Variants in AGMO observed in about 807,000 individuals in gnomAD.
AGMO encodes glyceryl-ether monooxygenase.
Under a neutral mutation model 60.2 loss-of-function variants are expected in AGMO, and 75 were observed. The observed-to-expected ratio is 1.25, with a 90% CI of 1.03 to 1.51. AGMO has a LOEUF of 1.51. Ranked by LOEUF, AGMO falls within the 40% of genes most tolerant of loss-of-function variation. AGMO has a pLI of 0.00. For synonymous variants in AGMO, 261 were observed against 177.1 expected, an observed-to-expected ratio of 1.47 and a Z score of -3.76; for missense variants, 763 against 525.5, an observed-to-expected ratio of 1.45 and a Z score of -4.42.
intron 10 of AGMO, among the ~76,000 whole-genome samples, chr7:15,371,375 C>T (rs114522422): frequency 1.3e-5 from 2 of 151,604 alleles, no homozygotes; most frequent in South Asian, 2.1e-4. Context: ...CACATGCTAC[C>T]GTGCGCACAG....
rs144481775 is a variant in AGMO at position 15,426,055 on chromosome 7, C to A, written c.513+4950G>T. Among the ~76,000 whole-genome samples, 736 of 152,184 alleles carry A rather than the reference C, an allele frequency of 4.8e-3. 2 individuals carry two copies. The highest frequency in any genetic ancestry group is 0.016 in the African/African-American group (685 of 41,546). On this transcript the variant is annotated intron_variant, in intron 4 of 12. Transcript: ENST00000342526. ...AAATATGTTCAAATATATTTTATTG[C>A]AAAAGGTAAACAAATTATATATCCT... is the stretch of plus-strand genomic sequence containing the variant.
At chr7:15,505,598 C>T (rs1370514892) in intron 3 of AGMO, among the ~76,000 whole-genome samples, 1 of 151,838 alleles carries the variant, frequency 6.6e-6, no homozygotes, top group Non-Finnish European at 1.5e-5. Context: ...CTTTTTGTTA[C>T]ACAGTTGTGA....
chr7:15,354,349 T>TATATAGACGTGTGC (rs1782383611), intron 12 of AGMO, among the ~76,000 whole-genome samples: 1 of 96,830 alleles, frequency 1.0e-5, no homozygotes, highest in Admixed American at 9.7e-5. Flanking sequence ...TACACGCGTG[T>TATATAGACGTGTGC]ATATAGACGT....
rs1781253869 is a variant in AGMO, at chr7:15,200,733, T to C, written c.*552A>G. On this transcript the variant is annotated 3_prime_UTR_variant, in exon 13 of 13. Transcript: ENST00000342526. The stretch of plus-strand genomic sequence containing the variant: ...TGGTCTCTATCTCTGGACCTCATGA[T>C]CCGCCCACCTCAGCCCCACAAAGTG... 6.6e-6 allele frequency: 1 copy of C among 152,354 alleles called. No individual in the cohort carries two copies. Among genetic ancestry groups the C allele is most frequent in the African/African-American group, 2.4e-5 (1 of 41,446 alleles). The allele number at this position is 152,354 out of a possible 1,614,324, so 9.4% of individuals were successfully genotyped here.
chr7:15,210,286 T>C (rs1423155825), intron 12 of AGMO, among the ~76,000 whole-genome samples: 1 of 152,198 alleles, frequency 6.6e-6, no homozygotes, highest in Non-Finnish European at 1.5e-5. Flanking sequence ...CTTTTTCATA[T>C]GTTCAAAAAT....
intron 12 of AGMO, among the ~76,000 whole-genome samples, chr7:15,266,853 A>G (rs908309384): frequency 2.6e-5 from 4 of 151,818 alleles, no homozygotes; most frequent in Non-Finnish European, 5.9e-5. Context: ...ACATCACCTA[A>G]TATTTACAGA....
At chr7:15,250,840 G>A (rs981165179) in intron 12 of AGMO, among the ~76,000 whole-genome samples, 1 of 151,898 alleles carries the variant, frequency 6.6e-6, no homozygotes, top group African/African-American at 2.4e-5. Flanking sequence ...AGCTACTCGG[G>A]AGGCTGAGGC....
Position 15,562,013 on chromosome 7 carries a change from G to T in AGMO, c.-168C>A. 1 of 542,832 alleles carries T rather than the reference G, an allele frequency of 1.8e-6. No homozygotes were observed. Among genetic ancestry groups the T allele is most frequent in the Non-Finnish European group, 3.0e-6 (1 of 331,234 alleles). 33.6% of individuals were successfully genotyped at this position (542,832 alleles called of 1,614,324 possible). ...CACTCAACAGCCGATTCTGTGTAGA[G>T]AGACAGGAAAATACAAGGATCAAGA... is the stretch of plus-strand genomic sequence containing the variant. On this transcript the variant is annotated 5_prime_UTR_variant, in exon 1 of 13. Transcript: ENST00000342526.
chr7:15,229,972 A>G (rs1261154065), intron 12 of AGMO, among the ~76,000 whole-genome samples: 1 of 151,698 alleles, frequency 6.6e-6, no homozygotes, highest in Non-Finnish European at 1.5e-5. Context: ...TACAAGCCAT[A>G]TTTCTCATTT....
chr7:15,552,033 G>A lies in AGMO; in HGVS notation c.258-7110C>T, dbSNP rs1357845063. On this transcript the variant is annotated intron_variant, in intron 2 of 12. Transcript: ENST00000342526. ...TAATGCCACATATCTGCAACTATCT[G>A]ATCTTTGACAAACCTGAGAAAAACA... is the stretch of plus-strand genomic sequence containing the variant. Among the ~76,000 whole-genome samples, 8 of 152,100 alleles carry A rather than the reference G, an allele frequency of 5.3e-5. No individual in the cohort carries two copies. The East Asian group carries it at 1.4e-3, about 26-fold the overall frequency.
chr7:15,303,866 TTTAA>T (rs1780527074), intron 12 of AGMO, among the ~76,000 whole-genome samples: 1 of 152,166 alleles, frequency 6.6e-6, no homozygotes, highest in Non-Finnish European at 1.5e-5. Flanking sequence ...TGTTGCTGTG[TTTAA>T]TTGTGAGGAT....
At chr7:15,557,875 C>G (rs144340539) in intron 2 of AGMO, among the ~76,000 whole-genome samples, 3 of 152,080 alleles carry the variant, frequency 2.0e-5, no homozygotes, top group African/African-American at 2.4e-5. Context: ...TTACCTTTCT[C>G]TCAAAGGGCA....
chr7:15,231,624 A>C (rs1277201456), intron 12 of AGMO, among the ~76,000 whole-genome samples: 3 of 152,244 alleles, frequency 2.0e-5, no homozygotes, highest in Non-Finnish European at 4.4e-5. Flanking sequence ...ATTGATATGA[A>C]TGTTCCATTT....
intron 12 of AGMO, among the ~76,000 whole-genome samples, chr7:15,240,928 G>A (rs1006955242): frequency 7.2e-5 from 11 of 152,086 alleles, no homozygotes; most frequent in South Asian, 2.1e-4. Context: ...TACAGGAATT[G>A]TAAATAGTGA....
At chr7:15,366,075 A>T in intron 11 of AGMO, 65 bp downstream of exon 11, 1 of 1,234,720 alleles carries the variant, frequency 8.1e-7, no homozygotes, top group East Asian at 2.5e-5. Context: ...CTGGTATTTT[A>T]CCACTCTGTG....
intron 12 of AGMO, among the ~76,000 whole-genome samples, chr7:15,217,396 A>T (rs1446745025): frequency 7.1e-6 from 1 of 141,598 alleles, no homozygotes; most frequent in East Asian, 1.9e-4. Context: ...ATGCACACAC[A>T]CAAGAAAAAC....
In AGMO at chr7:15,282,743, C is replaced by A. The variant is rs577101024; in HGVS notation, c.1264-81384G>T. 2.8e-4 allele frequency among the ~76,000 whole-genome samples: 43 copies of A among 152,202 alleles called. 1 individual carries two copies. In the South Asian group the frequency reaches 4.1e-3, roughly 15 times the overall value. On this transcript the variant is annotated intron_variant, in intron 12 of 12. Coordinates refer to ENST00000342526, the MANE Select transcript of AGMO (RefSeq NM_001004320.2). The stretch of plus-strand genomic sequence containing the variant: ...CCAAATACAAGAAGCTCAAACAACT[C>A]CTAGGAGAGTCATTGCAAAAAGGAC...
At chr7:15,388,618 G>C (rs948921318) in intron 8 of AGMO, among the ~76,000 whole-genome samples, 1 of 152,108 alleles carries the variant, frequency 6.6e-6, no homozygotes, top group Admixed American at 6.6e-5. Context: ...CTCTGAAAAT[G>C]TGTGATGACA....
chr7:15,220,498 G>C (rs998978864), intron 12 of AGMO, among the ~76,000 whole-genome samples: 4 of 151,700 alleles, frequency 2.6e-5, no homozygotes, highest in Non-Finnish European at 4.4e-5. Context: ...GATTACAGGG[G>C]TGAGCCATCA....
Sources: allele counts gnomAD v4.1 joint callset (sites outside exome capture counted in the v4.1 genomes callset), GRCh38; gene constraint gnomAD v4.1.1; transcripts MANE v1.5; gene names NCBI Gene and HGNC (gene_info 2026-07-23, HGNC 2026-07-21).